The following GRM1 variants were observed in gnomAD, a reference collection of about 807,000 sequenced individuals.
GRM1 encodes metabotropic glutamate receptor 1.
GRM1 carries 33 observed loss-of-function variants against 90.9 expected under a neutral mutation model. The observed-to-expected ratio is 0.36, with a 90% CI of 0.28 to 0.49. GRM1 has a LOEUF of 0.49. Among genes scored for constraint, GRM1 ranks in the 20% least tolerant of loss-of-function variants. GRM1 has a pLI of 0.99. For synonymous variants in GRM1, 700 were observed against 613.2 expected, an observed-to-expected ratio of 1.14 and a Z score of -2.09; for missense variants, 1,190 against 1,534.3, an observed-to-expected ratio of 0.78 and a Z score of 3.75.
intron 1 of GRM1, among the ~76,000 whole-genome samples, chr6:146,101,895 T>C (rs191073156): frequency 6.6e-6 from 1 of 150,928 alleles, no homozygotes; most frequent in African/African-American, 2.4e-5. Flanking sequence ...ATATGAGTGA[T>C]AAAATTAATA....
At position 146,029,252 on chromosome 6, in the gene GRM1, T is replaced by G. The variant is rs1351186690; in HGVS notation, c.-266T>G. 2 of 530,174 alleles carry G rather than the reference T, an allele frequency of 3.8e-6. No individual in the cohort carries two copies. The highest frequency in any genetic ancestry group is 3.8e-5 in the African/African-American group (2 of 52,308). The allele number at this position is 530,174 out of a possible 1,614,324, so 32.8% of individuals were successfully genotyped here. ...CCACTGTACTCTTGATCAATTTACC[T>G]TGATGCACTACCGGTGAAGAACGGG... On this transcript the variant is annotated 5_prime_UTR_variant, in exon 1 of 8. Coordinates refer to ENST00000282753, the MANE Select transcript of GRM1 (RefSeq NM_001278064.2).
chr6:146,101,742 G>C (rs1184182080), intron 1 of GRM1, among the ~76,000 whole-genome samples: 1 of 150,450 alleles, frequency 6.6e-6, no homozygotes, highest in Non-Finnish European at 1.5e-5. Context: ...ATATATCACT[G>C]GTAAATATCA....
chr6:146,054,228 A>T (rs1582934610), intron 1 of GRM1, among the ~76,000 whole-genome samples: 1 of 152,034 alleles, frequency 6.6e-6, no homozygotes, highest in Admixed American at 6.6e-5. Flanking sequence ...CTCTCACATG[A>T]AAGTATCAGC....
chr6:146,044,031 A>G (rs1482355722), intron 1 of GRM1, among the ~76,000 whole-genome samples: 1 of 151,736 alleles, frequency 6.6e-6, no homozygotes, highest in East Asian at 1.9e-4. Flanking sequence ...TTTTCAGATT[A>G]TTTGAAATTC....
chr6:146,338,094 C>T (rs1310192807), intron 3 of GRM1, among the ~76,000 whole-genome samples: 1 of 152,100 alleles, frequency 6.6e-6, no homozygotes, highest in African/African-American at 2.4e-5. Flanking sequence ...GAAATGATCA[C>T]GTTATGCAAT....
chr6:146,386,878 T>C lies in GRM1; in HGVS notation c.1603-12T>C. On this transcript the variant is annotated splice_polypyrimidine_tract_variant and intron_variant, in intron 5 of 7. Coordinates refer to ENST00000282753, the MANE Select transcript of GRM1 (RefSeq NM_001278064.2). ...AACTATCTTTAAAATTCATGAAATA[T>C]CTATGTTATAGGTTATACGGAAAGG... 1 of 1,600,338 alleles carries C rather than the reference T, an allele frequency of 6.2e-7. No individual in the cohort carries two copies. Among genetic ancestry groups the C allele is most frequent in the Non-Finnish European group, 8.6e-7 (1 of 1,167,898 alleles).
At chr6:146,281,048 A>G (rs990403124) in intron 2 of GRM1, among the ~76,000 whole-genome samples, 4 of 152,202 alleles carry the variant, frequency 2.6e-5, no homozygotes, top group African/African-American at 9.6e-5. Context: ...CTTACTGTCT[A>G]GTTAAGAACT....
intron 2 of GRM1, among the ~76,000 whole-genome samples, chr6:146,302,262 C>A (rs1783414849): frequency 6.6e-6 from 1 of 150,702 alleles, no homozygotes; most frequent in African/African-American, 2.4e-5. Flanking sequence ...TACCTCTGTC[C>A]CCCACTACCT....
intron 1 of GRM1, among the ~76,000 whole-genome samples, chr6:146,042,544 T>C (rs1582916719): frequency 1.3e-5 from 2 of 152,012 alleles, no homozygotes; most frequent in African/African-American, 4.8e-5. Context: ...CTCTGCGTGG[T>C]GATGTAGTGA....
intron 2 of GRM1, among the ~76,000 whole-genome samples, chr6:146,236,475 CT>C (rs1426998473): frequency 6.6e-6 from 1 of 152,114 alleles, no homozygotes. Context: ...TTACTTGTTT[CT>C]CTGTGACTGG....
At chr6:146,415,793 T>C (rs1583467596) in intron 7 of GRM1, among the ~76,000 whole-genome samples, 1 of 152,228 alleles carries the variant, frequency 6.6e-6, no homozygotes, top group Non-Finnish European at 1.5e-5. Flanking sequence ...CCTTATACTC[T>C]TAAGTTTGCT....
At chr6:146,396,221 A>G (rs942599577) in intron 6 of GRM1, among the ~76,000 whole-genome samples, 1 of 152,148 alleles carries the variant, frequency 6.6e-6, no homozygotes, top group African/African-American at 2.4e-5. Flanking sequence ...TCTTCCAGAA[A>G]AAGGTTTGTA....
intron 5 of GRM1, among the ~76,000 whole-genome samples, chr6:146,362,662 C>T (rs1562639514): frequency 3.0e-5 from 2 of 67,764 alleles, no homozygotes; most frequent in Non-Finnish European, 5.1e-5. Flanking sequence ...GAGACTCCAT[C>T]TCAAAAAAAA....
At chr6:146,357,783 C>A in intron 5 of GRM1, 89 bp downstream of exon 5, 3 of 1,054,540 alleles carry the variant, frequency 2.8e-6, no homozygotes, top group Non-Finnish European at 2.9e-6. Context: ...ATTTTAAAAA[C>A]ATAACTGTCT....
intron 2 of GRM1, among the ~76,000 whole-genome samples, chr6:146,169,093 A>T (rs774611178): frequency 6.6e-6 from 1 of 152,130 alleles, no homozygotes; most frequent in South Asian, 2.1e-4. Context: ...ACATTTTTAC[A>T]TAGAAATTTT....
intron 1 of GRM1, among the ~76,000 whole-genome samples, chr6:146,042,842 C>G (rs1791166322): frequency 6.6e-6 from 1 of 151,936 alleles, no homozygotes; most frequent in African/African-American, 2.4e-5. Flanking sequence ...TGTCCAAAAA[C>G]ACCAAAATCT....
At chr6:146,377,587 C>G (rs926281117) in intron 5 of GRM1, among the ~76,000 whole-genome samples, 18 of 152,086 alleles carry the variant, frequency 1.2e-4, no homozygotes, top group Non-Finnish European at 2.4e-4. Flanking sequence ...AGATTTGCAG[C>G]CTGATGATGC....
chr6:146,264,899 G>A (rs1360409198), intron 2 of GRM1, among the ~76,000 whole-genome samples: 5 of 152,120 alleles, frequency 3.3e-5, no homozygotes, highest in African/African-American at 1.2e-4. Flanking sequence ...ATATTCCATG[G>A]TATATACATC....
intron 2 of GRM1, among the ~76,000 whole-genome samples, chr6:146,279,915 C>G (rs1782505286): frequency 6.6e-6 from 1 of 151,862 alleles, no homozygotes; most frequent in African/African-American, 2.4e-5. Context: ...ATTTATCTGG[C>G]TGCCTTTGAG....
Sources: allele counts gnomAD v4.1 joint callset (sites outside exome capture counted in the v4.1 genomes callset), GRCh38; gene constraint gnomAD v4.1.1; transcripts MANE v1.5; gene names NCBI Gene and HGNC (gene_info 2026-07-23, HGNC 2026-07-21).